LRRC75A: variants seen among roughly 807,000 people sequenced by gnomAD.
LRRC75A encodes leucine-rich repeat-containing protein 75A.
LRRC75A carries 12 observed loss-of-function variants against 26.0 expected under a neutral mutation model. The observed-to-expected ratio is 0.46, with a 90% CI of 0.30 to 0.75. LRRC75A has a LOEUF of 0.75. LRRC75A is among the 30% of genes least tolerant of loss of function. The probability of loss-of-function intolerance (pLI) is 0.08; values close to 1 mark genes in which losing one functional copy is unlikely to be tolerated. For synonymous variants in LRRC75A, 223 were observed against 219.3 expected (o/e 1.02, Z -0.15); for missense variants, 410 against 486.6 (o/e 0.84, Z 1.48).
chr17:16,490,817 A>G (rs1410940689), intron 1 of LRRC75A, among the ~76,000 whole-genome samples: 2 of 152,164 alleles, frequency 1.3e-5, no homozygotes, highest in Non-Finnish European at 2.9e-5. Context: ...TGGATTGTCT[A>G]CCCACCAAAG....
intron 3 of LRRC75A, among the ~76,000 whole-genome samples, chr17:16,447,280 G>A (rs2093594199): frequency 6.6e-6 from 1 of 151,988 alleles, no homozygotes; most frequent in African/African-American, 2.4e-5. Flanking sequence ...CAGGGACAGG[G>A]CTGGGGTCTG....
intron 2 of LRRC75A, among the ~76,000 whole-genome samples, chr17:16,450,007 G>C (rs1416016992): frequency 6.6e-6 from 1 of 152,242 alleles, no homozygotes; most frequent in Non-Finnish European, 1.5e-5. Flanking sequence ...AACAGTCTGT[G>C]GCAGGGCTTG....
At chr17:16,478,182 T>C (rs189774534) in intron 1 of LRRC75A, among the ~76,000 whole-genome samples, 248 of 148,158 alleles carry the variant, frequency 1.7e-3, no homozygotes, top group African/African-American at 6.1e-3. Context: ...CATTTTCTTC[T>C]TTTTTTTTCT....
At chr17:16,485,085 C>A (rs777826900) in intron 1 of LRRC75A, among the ~76,000 whole-genome samples, 1 of 152,068 alleles carries the variant, frequency 6.6e-6, no homozygotes, top group African/African-American at 2.4e-5. Flanking sequence ...CTGCTTGGCG[C>A]GCCAAGGTCT....
At chr17:16,456,364 GAGAAGGAAGAGGAGGAGGAAGAGA>G (rs1403778545) in intron 2 of LRRC75A, among the ~76,000 whole-genome samples, 1 of 147,198 alleles carries the variant, frequency 6.8e-6, no homozygotes, top group African/African-American at 2.6e-5. Flanking sequence ...GGAGGAGGAA[GAGAAGGAAGAGGAGGAGGAAGAGA>G]AGAAGGAAAA....
At chr17:16,485,679 T>TGTGTGTGTGTGTGTGTGTGTTC in intron 1 of LRRC75A, among the ~76,000 whole-genome samples, 2 of 138,328 alleles carry the variant, frequency 1.4e-5, no homozygotes, top group African/African-American at 5.9e-5. Flanking sequence ...TTCGTGTGTG[T>TGTGTGTGTGTGTGTGTGTGTTC]GTGTGTGTGT....
rs2093530917 is a variant in LRRC75A, at chr17:16,441,984, CTAATACTACAATAAAG to C, written c.*1588_*1603del. 6.5e-6 allele frequency: 1 copy of C among 152,894 alleles called. No homozygotes were observed. Among genetic ancestry groups the C allele is most frequent in the Admixed American group, 6.5e-5 (1 of 15,416 alleles). 9.5% of individuals were successfully genotyped at this position (152,894 alleles called of 1,614,324 possible). A position where few individuals can be genotyped will look rare whatever the true frequency, so the allele number is the denominator to read the frequency against. On this transcript the variant is annotated 3_prime_UTR_variant, in exon 4 of 4. Coordinates refer to ENST00000470794, the MANE Select transcript of LRRC75A (RefSeq NM_001113567.3). ...TGTTTTTTCATGCAGTTACCATGAA[CTAATACTACAATAAAG>C]GATGGTCTTGGGTGTCAATTCTTGA...
intron 3 of LRRC75A, 29 bp downstream of exon 3, chr17:16,447,816 A>G: frequency 6.7e-7 from 1 of 1,494,778 alleles, no homozygotes; most frequent in Non-Finnish European, 9.0e-7. Flanking sequence ...TCAGCCTGGC[A>G]TAGACCTGCC....
intron 1 of LRRC75A, among the ~76,000 whole-genome samples, chr17:16,482,368 G>T (rs1024078894): frequency 2.6e-5 from 4 of 152,150 alleles, no homozygotes; most frequent in Admixed American, 1.3e-4. Context: ...GTGCCTGGAG[G>T]GGGCACTGCA....
chr17:16,477,544 C>G (rs937672428), intron 1 of LRRC75A, among the ~76,000 whole-genome samples: 1 of 152,252 alleles, frequency 6.6e-6, no homozygotes, highest in Admixed American at 6.5e-5. Flanking sequence ...GAGGCCCTGC[C>G]TGTGCTCTTC....
chr17:16,456,481 G>C (rs2093686342), intron 2 of LRRC75A, among the ~76,000 whole-genome samples: 1 of 65,008 alleles, frequency 1.5e-5, no homozygotes, highest in African/African-American at 4.9e-5. Context: ...GAAAGAAGAG[G>C]AGGAGGAAGA....
intron 1 of LRRC75A, among the ~76,000 whole-genome samples, chr17:16,484,410 A>C (rs913353603): frequency 2.0e-5 from 3 of 152,196 alleles, no homozygotes; most frequent in Non-Finnish European, 4.4e-5. Flanking sequence ...AACATGAGAA[A>C]AGGCTTTATG....
intron 2 of LRRC75A, among the ~76,000 whole-genome samples, chr17:16,456,227 AGAG>A (rs71152811): frequency 0.36 from 35,232 of 97,130 alleles, 9,001 homozygotes; most frequent in African/African-American, 0.47. Context: ...AGGAGGAAGA[AGAG>A]GAGAAAGGAG....
intron 1 of LRRC75A, among the ~76,000 whole-genome samples, chr17:16,482,030 TTC>T (rs2093835320): frequency 6.6e-6 from 1 of 152,066 alleles, no homozygotes; most frequent in Non-Finnish European, 1.5e-5. Context: ...AGGGCAGGAA[TTC>T]TGACTGTTAC....
chr17:16,452,447 T>C (rs2093640605), intron 2 of LRRC75A, among the ~76,000 whole-genome samples: 2 of 151,456 alleles, frequency 1.3e-5, no homozygotes, highest in African/African-American at 4.8e-5. Flanking sequence ...TTTTTTTTTC[T>C]TTTTGTTTGA....
In LRRC75A at chr17:16,491,809, A is replaced by G; in HGVS notation, c.182T>C (p.Leu61Pro). 1 of 1,435,824 alleles carries G rather than the reference A, an allele frequency of 7.0e-7. No individual in the cohort carries two copies. The highest frequency in any genetic ancestry group is 1.5e-5 in the African/African-American group (1 of 66,618). 88.9% of individuals were successfully genotyped at this position (1,435,824 alleles called of 1,614,324 possible). ...CCGGCCCTGGCGCACCATCCGCAGC[A>G]GCTCCTGGACCATGCCGACTCGCCG... is the stretch of plus-strand genomic sequence containing the variant. Reference protein sequence around the residue: ...YHRRVGMVQELLRMVRQGRRE... With the variant: ...YHRRVGMVQEPLRMVRQGRRE... The change falls in exon 1 of 4, where the codon CTG becomes CCG. Residue 61 changes from leucine to proline, a missense_variant. Coordinates refer to ENST00000470794, the MANE Select transcript of LRRC75A (RefSeq NM_001113567.3). This position sits in a 1 kb window ranked among gnomAD's most constrained non-coding sequence, Gnocchi z 5.9.
chr17:16,467,806 C>A (rs529882227), intron 1 of LRRC75A, among the ~76,000 whole-genome samples: 236 of 152,322 alleles, frequency 1.5e-3, no homozygotes, highest in African/African-American at 5.6e-3. Context: ...AATATCAGTT[C>A]AGCATATAGG....
intron 1 of LRRC75A, among the ~76,000 whole-genome samples, chr17:16,483,888 C>A (rs1392269627): frequency 6.6e-6 from 1 of 152,232 alleles, no homozygotes; most frequent in Admixed American, 6.5e-5. Context: ...CCTGGAGGAA[C>A]AGGAACTCGA....
At chr17:16,469,469 T>C (rs1601182095) in intron 1 of LRRC75A, among the ~76,000 whole-genome samples, 1 of 152,304 alleles carries the variant, frequency 6.6e-6, no homozygotes, top group East Asian at 1.9e-4. Context: ...CCTCCCCAGC[T>C]TGTGCACTCT....
Sources: allele counts gnomAD v4.1 joint callset (sites outside exome capture counted in the v4.1 genomes callset), GRCh38; gene constraint gnomAD v4.1.1; non-coding constraint Gnocchi (gnomAD v3.1); transcripts MANE v1.5; gene names NCBI Gene and HGNC (gene_info 2026-07-23, HGNC 2026-07-21).